The following UNC13A variants were observed in gnomAD, a reference collection of about 807,000 sequenced individuals.
UNC13A encodes protein unc-13 homolog A.
A neutral mutation model predicts 219.7 loss-of-function variants in UNC13A; 61 were observed. The ratio of observed to expected loss-of-function variants is 0.28; its 90% CI spans 0.23 to 0.34. The LOEUF is 0.34. Ranked by LOEUF, UNC13A falls within the 10% of genes least tolerant of loss-of-function variation. The probability of loss-of-function intolerance (pLI) is 1.00; values close to 1 mark genes in which losing one functional copy is unlikely to be tolerated. For missense variants in UNC13A, 1,476 were observed against 2,270.3 expected (o/e 0.65, Z 7.11); for synonymous variants, 920 against 884.6 (o/e 1.04, Z -0.71).
chr19:17,662,215 C>T (rs2079562832), intron 8 of UNC13A, among the ~76,000 whole-genome samples: 1 of 151,650 alleles, frequency 6.6e-6, no homozygotes, highest in Non-Finnish European at 1.5e-5. Flanking sequence ...GTACTCCATC[C>T]AGCCTGGGCA....
At chr19:17,635,869 A>T (rs964823221) in intron 26 of UNC13A, among the ~76,000 whole-genome samples, 155 bp downstream of exon 26, 1 of 152,208 alleles carries the variant, frequency 6.6e-6, no homozygotes, top group Non-Finnish European at 1.5e-5. Context: ...AATTGTACCC[A>T]TATTTGAATT....
intron 31 of UNC13A, 151 bp downstream of exon 31, chr19:17,629,089 A>G: frequency 1.5e-6 from 1 of 653,226 alleles, no homozygotes; most frequent in Non-Finnish European, 2.6e-6. Context: ...ACACATTCAA[A>G]CAAGCACCTC....
At position 17,636,241 on chromosome 19, in the gene UNC13A, TTA is replaced by T; in HGVS notation, c.3082-86_3082-85del. On this transcript the variant is annotated intron_variant, in intron 25 of 43. Coordinates refer to ENST00000519716, the MANE Select transcript of UNC13A (RefSeq NM_001080421.3). Reference sequence around the variant, plus strand: ...GTTTATTACTGAAGAACAAGAGGTTTTAGAGGAATGCATCCCATCATCATGTG... The same window carrying T: ...GTTTATTACTGAAGAACAAGAGGTTTGAGGAATGCATCCCATCATCATGTG... 10 of 1,439,498 alleles carry T rather than the reference TTA, an allele frequency of 6.9e-6. No homozygotes were observed. The South Asian group carries it at 1.4e-4, about 20-fold the overall frequency. The allele number at this position is 1,439,498 out of a possible 1,614,324, so 89.2% of individuals were successfully genotyped here. A position where few individuals can be genotyped will look rare whatever the true frequency, so the allele number is the denominator to read the frequency against.
At chr19:17,625,292 G>A (rs893781293) in intron 34 of UNC13A, among the ~76,000 whole-genome samples, 3 of 152,234 alleles carry the variant, frequency 2.0e-5, no homozygotes, top group South Asian at 4.2e-4. Context: ...GGGATGAACC[G>A]AAACAGGAAG....
At chr19:17,688,104 G>A in intron 1 of UNC13A, 74 bp downstream of exon 1, 1 of 1,496,686 alleles carries the variant, frequency 6.7e-7, no homozygotes. Context: ...AACCCCCTGG[G>A]AGCCGCATCC....
chr19:17,623,337 G>T (rs1599341588), intron 36 of UNC13A: 1 of 506,902 alleles, frequency 2.0e-6, no homozygotes, highest in Non-Finnish European at 3.5e-6. Flanking sequence ...GGGACAGGGA[G>T]GGTGGGCGTG....
At position 17,619,034 on chromosome 19, in the gene UNC13A, T is replaced by A. The variant is rs560726078; in HGVS notation, c.4273-72A>T. 5.4e-6 allele frequency: 8 copies of A among 1,476,668 alleles called. No individual in the cohort carries two copies. The Admixed American group carries it at 8.4e-5, about 15-fold the overall frequency. 91.5% of individuals were successfully genotyped at this position (1,476,668 alleles called of 1,614,324 possible). On this transcript the variant is annotated intron_variant, in intron 38 of 43. Coordinates refer to ENST00000519716, the MANE Select transcript of UNC13A (RefSeq NM_001080421.3). ...TGACACTCCAGCCCCAGAGACCATC[T>A]TGGTTCTTGCCCAAAGGCTCTGGGC...
In UNC13A at chr19:17,617,686, G is replaced by T. The variant is rs367873483; in HGVS notation, c.4558+16C>A. The T allele has an allele frequency of 6.2e-7, 1 of 1,611,124 alleles. No individual in the cohort carries two copies. Among genetic ancestry groups the T allele is most frequent in the South Asian group, 1.1e-5 (1 of 91,060 alleles). On this transcript the variant is annotated intron_variant, in intron 41 of 43. Coordinates refer to ENST00000519716, the MANE Select transcript of UNC13A (RefSeq NM_001080421.3). ...CCGCGGAGCGGGAAAGGGTGATGCG[G>T]TCTGGGTACCCTTACCCTGGGCCGA...
chr19:17,605,340 G>GGTTT lies in UNC13A; in HGVS notation c.*710_*713dup, dbSNP rs1003467926. 1.3e-5 allele frequency: 2 copies of GGTTT among 152,692 alleles called. No individual in the cohort carries two copies. The highest frequency in any genetic ancestry group is 2.9e-5 in the Non-Finnish European group (2 of 68,068). 9.5% of individuals were successfully genotyped at this position (152,692 alleles called of 1,614,324 possible). On this transcript the variant is annotated 3_prime_UTR_variant, in exon 44 of 44. Coordinates refer to ENST00000519716, the MANE Select transcript of UNC13A (RefSeq NM_001080421.3). ...GTTGAACTCTATGATATGAGGACTGGGTTTGTTGGGGGAGAGGGAGAGGCA... is the reference window on the plus strand; with the variant it reads ...GTTGAACTCTATGATATGAGGACTGGGTTTGTTTGTTGGGGGAGAGGGAGAGGCA...
chr19:17,617,691 G>A lies in UNC13A; in HGVS notation c.4558+11C>T, dbSNP rs144584772. On this transcript the variant is annotated intron_variant, in intron 41 of 43. Transcript: ENST00000519716. ...GAGCGGGAAAGGGTGATGCGGTCTG[G>A]GTACCCTTACCCTGGGCCGATTGCG... 70 of 1,612,036 alleles carry A rather than the reference G, an allele frequency of 4.3e-5. No homozygotes were observed. The East Asian group carries it at 1.4e-3, about 33-fold the overall frequency.
At chr19:17,681,880 C>G (rs2080025625) in intron 1 of UNC13A, among the ~76,000 whole-genome samples, 1 of 152,198 alleles carries the variant, frequency 6.6e-6, no homozygotes, top group South Asian at 2.1e-4. Flanking sequence ...AGTGGACTCT[C>G]AGAAATGTCC....
intron 20 of UNC13A, among the ~76,000 whole-genome samples, chr19:17,642,381 C>A (rs1441557995): frequency 1.3e-5 from 2 of 152,170 alleles, no homozygotes; most frequent in African/African-American, 4.8e-5. Flanking sequence ...AATCTACCCA[C>A]CAACTCATCC....
At chr19:17,666,803 A>G (rs1365177878) in intron 6 of UNC13A, 99 bp from the exon 7 acceptor site, 14 of 864,942 alleles carry the variant, frequency 1.6e-5, no homozygotes, top group African/African-American at 8.8e-5. Context: ...ACTTCCCTCT[A>G]CCTCCCAAAT....
chr19:17,688,258 A>G lies in UNC13A; in HGVS notation c.-59T>C. Reference sequence around the variant, plus strand: ...GGGCCGGCTCTGTCGGGTCGGGCTCAGCGGCCGCTGGGCTGGGGCATCTCC... The same window carrying G: ...GGGCCGGCTCTGTCGGGTCGGGCTCGGCGGCCGCTGGGCTGGGGCATCTCC... On this transcript the variant is annotated 5_prime_UTR_variant, in exon 1 of 44. The change abolishes the stop of an existing upstream ORF in the 5' untranslated region. Coordinates refer to ENST00000519716, the MANE Select transcript of UNC13A (RefSeq NM_001080421.3). 3 of 1,414,900 alleles carry G rather than the reference A, an allele frequency of 2.1e-6. No homozygotes were observed. The highest frequency in any genetic ancestry group is 2.8e-6 in the Non-Finnish European group (3 of 1,084,570). 87.6% of individuals were successfully genotyped at this position (1,414,900 alleles called of 1,614,324 possible). A position where few individuals can be genotyped will look rare whatever the true frequency, so the allele number is the denominator to read the frequency against.
At chr19:17,681,736 C>T (rs964941526) in intron 1 of UNC13A, among the ~76,000 whole-genome samples, 2 of 152,132 alleles carry the variant, frequency 1.3e-5, no homozygotes. Context: ...AAGAGCTGTC[C>T]CCCAGAGGCG....
intron 1 of UNC13A, among the ~76,000 whole-genome samples, chr19:17,679,655 C>T (rs1001787406): frequency 6.6e-6 from 1 of 151,974 alleles, no homozygotes; most frequent in African/African-American, 2.4e-5. Flanking sequence ...TTAGGCTCAG[C>T]GGGGAGCCCA....
intron 25 of UNC13A, among the ~76,000 whole-genome samples, chr19:17,636,697 C>T (rs778444856): frequency 4.6e-5 from 7 of 152,164 alleles, no homozygotes; most frequent in African/African-American, 1.4e-4. Context: ...CAACCCAATC[C>T]GATTCTACCT....
chr19:17,688,147 G>T (rs1443962899), intron 1 of UNC13A, 31 bp downstream of exon 1: 4 of 1,526,088 alleles, frequency 2.6e-6, no homozygotes, highest in Admixed American at 4.1e-5. Context: ...GCGTCCACAC[G>T]GGTCCCCCGA....
At chr19:17,687,894 G>A (rs1181601379) in intron 1 of UNC13A, among the ~76,000 whole-genome samples, 2 of 152,000 alleles carry the variant, frequency 1.3e-5, no homozygotes, top group African/African-American at 2.4e-5. Flanking sequence ...ATCGTTTCCG[G>A]GTAGAACCCC....
Sources: allele counts gnomAD v4.1 joint callset (sites outside exome capture counted in the v4.1 genomes callset), GRCh38; gene constraint gnomAD v4.1.1; transcripts MANE v1.5; gene names NCBI Gene and HGNC (gene_info 2026-07-23, HGNC 2026-07-21).